Variants in SYN2 observed in about 807,000 individuals in gnomAD.
The protein encoded by SYN2 is synapsin-2.
A neutral mutation model predicts 50.9 loss-of-function variants in SYN2; 19 were observed. That is an observed-to-expected ratio of 0.37 (90% CI 0.26 to 0.55). The LOEUF is 0.55. Among genes scored for constraint, SYN2 ranks in the 20% least tolerant of loss-of-function variants. The pLI is 0.81. For synonymous variants in SYN2, 255 were observed against 224.9 expected, an observed-to-expected ratio of 1.13 and a Z score of -1.20; for missense variants, 587 against 576.4, an observed-to-expected ratio of 1.02 and a Z score of -0.19.
chr3:12,158,854 C>T (rs907447432), intron 5 of SYN2: 17 of 1,555,042 alleles, frequency 1.1e-5, no homozygotes, highest in South Asian at 2.4e-5. Flanking sequence ...ACTGCAGATC[C>T]GCGACTGAGC....
intron 1 of SYN2, among the ~76,000 whole-genome samples, chr3:12,090,958 T>C (rs1160404920): frequency 6.6e-6 from 1 of 152,224 alleles, no homozygotes; most frequent in Admixed American, 6.5e-5. Flanking sequence ...TTCCATAATA[T>C]TGTGTTCCAT....
At chr3:12,036,767 A>T (rs996398922) in intron 1 of SYN2, among the ~76,000 whole-genome samples, 2 of 152,194 alleles carry the variant, frequency 1.3e-5, no homozygotes, top group African/African-American at 4.8e-5. Context: ...CATCCTTAGT[A>T]TTCTCTCCTG....
chr3:12,011,908 G>A (rs977763750), intron 1 of SYN2, among the ~76,000 whole-genome samples: 5 of 152,144 alleles, frequency 3.3e-5, no homozygotes, highest in Admixed American at 2.6e-4. Context: ...TACCATAAAA[G>A]CATTTTGTAA....
chr3:12,143,675 A>G (rs1365756251), intron 3 of SYN2, among the ~76,000 whole-genome samples: 2 of 152,098 alleles, frequency 1.3e-5, no homozygotes, highest in African/African-American at 2.4e-5. Flanking sequence ...TATTTTCTTC[A>G]TCCAGTCATC....
intron 1 of SYN2, among the ~76,000 whole-genome samples, chr3:12,099,083 T>G (rs1297778370): frequency 1.3e-5 from 2 of 151,986 alleles, no homozygotes; most frequent in Non-Finnish European, 2.9e-5. Flanking sequence ...ATGGACAGAA[T>G]TGAAGGGAAA....
chr3:12,188,030 A>AT (rs1698380825), intron 12 of SYN2, among the ~76,000 whole-genome samples: 1 of 2,642 alleles, frequency 3.8e-4, no homozygotes, highest in Admixed American at 4.5e-3. Flanking sequence ...TCTTTGTAAA[A>AT]AAAAATTTTT....
Position 12,145,685 on chromosome 3 carries a change from C to T in SYN2, c.534C>T (p.Phe178=). The T allele has an allele frequency of 6.2e-7, 1 of 1,613,922 alleles. No homozygotes were observed. The highest frequency in any genetic ancestry group is 8.5e-7 in the Non-Finnish European group (1 of 1,179,832). ...GCCTCTACCTTCTCACCAGGTCCTT[C>T]CGGCCAGACTTCGTGCTCATCCGGC... ...LRNGTKVVRS[F]RPDFVLIRQH... is the part of the protein sequence containing the mutation. Residue 178 remains phenylalanine, a synonymous_variant, in exon 4 of 13, where the codon TTC becomes TTT. Transcript: ENST00000621198.
chr3:12,157,481 C>T (rs1156636582), intron 5 of SYN2: 1 of 1,613,990 alleles, frequency 6.2e-7, no homozygotes, highest in Non-Finnish European at 8.5e-7. Flanking sequence ...TGGCCCGAAT[C>T]ACTGCATAGG....
At chr3:12,069,330 C>T (rs1695288493) in intron 1 of SYN2, among the ~76,000 whole-genome samples, 1 of 152,054 alleles carries the variant, frequency 6.6e-6, no homozygotes, top group East Asian at 1.9e-4. Flanking sequence ...CTCACTGCAA[C>T]CTCCGCCTCC....
At chr3:12,064,462 C>CG (rs1342719173) in intron 1 of SYN2, among the ~76,000 whole-genome samples, 1 of 151,920 alleles carries the variant, frequency 6.6e-6, no homozygotes, top group Non-Finnish European at 1.5e-5. Flanking sequence ...TTCACAGAAT[C>CG]GGGGGGAAAG....
At chr3:12,156,876 G>A in intron 5 of SYN2, 1 of 1,614,224 alleles carries the variant, frequency 6.2e-7, no homozygotes. Context: ...ACAGAGGGAA[G>A]AGTCAAAAGG....
At chr3:12,039,479 C>T (rs1214785521) in intron 1 of SYN2, among the ~76,000 whole-genome samples, 1 of 151,438 alleles carries the variant, frequency 6.6e-6, no homozygotes, top group Non-Finnish European at 1.5e-5. Flanking sequence ...AGGTAGAGGT[C>T]ACTTCAGTTT....
At chr3:12,095,099 C>G (rs1695901960) in intron 1 of SYN2, among the ~76,000 whole-genome samples, 2 of 152,112 alleles carry the variant, frequency 1.3e-5, no homozygotes, top group African/African-American at 2.4e-5. Context: ...AACCAGGAAA[C>G]TAGTTTGACG....
intron 1 of SYN2, among the ~76,000 whole-genome samples, chr3:12,015,602 A>C (rs1388062896): frequency 1.3e-5 from 2 of 152,220 alleles, no homozygotes; most frequent in Non-Finnish European, 2.9e-5. Context: ...TAGAAGCATT[A>C]ATTATTGTTA....
chr3:12,137,759 G>T (rs942753277), intron 1 of SYN2, among the ~76,000 whole-genome samples: 3 of 152,112 alleles, frequency 2.0e-5, no homozygotes, highest in African/African-American at 7.2e-5. Flanking sequence ...AAGCATATAT[G>T]TATGCAGGTA....
chr3:12,015,277 A>G (rs980794142), intron 1 of SYN2, among the ~76,000 whole-genome samples: 1 of 152,222 alleles, frequency 6.6e-6, no homozygotes, highest in Admixed American at 6.5e-5. Context: ...ATTACCTGTC[A>G]TAGCAGTTAG....
chr3:12,185,837 G>A, intron 11 of SYN2: 1 of 913,794 alleles, frequency 1.1e-6, no homozygotes, highest in Non-Finnish European at 1.3e-6. Context: ...TTACCTTACA[G>A]GAGAATGCTA....
intron 5 of SYN2, chr3:12,158,916 GT>G: frequency 7.0e-7 from 1 of 1,434,112 alleles, no homozygotes; most frequent in Non-Finnish European, 9.1e-7. Flanking sequence ...TCCCAAGGCC[GT>G]TGTGCCCCTC....
chr3:12,060,807 T>C (rs1351581073), intron 1 of SYN2, among the ~76,000 whole-genome samples: 1 of 152,126 alleles, frequency 6.6e-6, no homozygotes, highest in Non-Finnish European at 1.5e-5. Context: ...CAGTTCCTAT[T>C]CCCAATACAT....
Sources: gnomAD v4.1 joint callset for allele counts (sites outside exome capture counted in the v4.1 genomes callset) on GRCh38, gnomAD v4.1.1 for gene constraint, MANE v1.5 for transcripts, NCBI Gene and HGNC (gene_info 2026-07-23, HGNC 2026-07-21) for gene names.